Variants in BIRC6 observed in about 807,000 individuals in gnomAD.
The protein encoded by BIRC6 is dual E2 ubiquitin-conjugating enzyme/E3 ubiquitin-protein ligase BIRC6.
BIRC6 carries 98 observed loss-of-function variants against 503.3 expected under a neutral mutation model. The ratio of observed to expected loss-of-function variants is 0.19; its 90% CI spans 0.17 to 0.23. BIRC6 has a LOEUF of 0.23. Among genes scored for constraint, BIRC6 ranks in the 10% least tolerant of loss-of-function variants. BIRC6 has a pLI of 1.00. For missense variants in BIRC6, 5,360 were observed against 5,806.0 expected (o/e 0.92, Z 2.50); for synonymous variants, 2,240 against 2,078.7 (o/e 1.08, Z -2.11).
Position 32,499,553 on chromosome 2 carries a change from T to G in BIRC6, c.8475T>G (p.Ala2825=). ...LIHILSTERG[A]FQTGQGPLDA... is the part of the protein sequence containing the mutation. ...TCTCTCTCTCTCTCTGCAGGGGTGC[T>G]TTCCAGACAGGCCAAGGACCTCTCG... The change falls in exon 46 of 74, where the codon GCT becomes GCG. Residue 2825 remains alanine, a synonymous_variant. Coordinates refer to ENST00000421745, the MANE Select transcript of BIRC6 (RefSeq NM_016252.4). 2 of 1,602,678 alleles carry G rather than the reference T, an allele frequency of 1.2e-6. No homozygotes were observed. The highest frequency in any genetic ancestry group is 1.7e-4 in the Middle Eastern group (1 of 6,020).
intron 53 of BIRC6, 110 bp downstream of exon 53, chr2:32,510,744 ATATAT>A (rs1360525254): frequency 4.5e-5 from 33 of 731,438 alleles, no homozygotes; most frequent in Non-Finnish European, 6.6e-5. Flanking sequence ...CAATACTGTG[ATATAT>A]TGTATGTTTA....
At chr2:32,460,939 A>G (rs1485338609) in intron 23 of BIRC6, among the ~76,000 whole-genome samples, 28 of 151,588 alleles carry the variant, frequency 1.8e-4, no homozygotes, top group Admixed American at 1.7e-3. Context: ...GAAGGAGCAG[A>G]TGATTTTATT....
chr2:32,559,731 A>T (rs1393791706), intron 65 of BIRC6, among the ~76,000 whole-genome samples: 1 of 151,680 alleles, frequency 6.6e-6, no homozygotes, highest in African/African-American at 2.4e-5. Context: ...AAAAAAAAAA[A>T]AAAAATAAGG....
intron 65 of BIRC6, among the ~76,000 whole-genome samples, chr2:32,554,355 A>G (rs1298623873): frequency 6.6e-6 from 1 of 152,220 alleles, no homozygotes; most frequent in African/African-American, 2.4e-5. Flanking sequence ...ACAGATTAGA[A>G]AAGAACAAAT....
chr2:32,478,804 A>C lies in BIRC6; in HGVS notation c.7238A>C (p.Gln2413Pro). The change falls in exon 36 of 74, where the codon CAA (glutamine) becomes CCA (proline). Residue 2413 changes from glutamine (Q) to proline (P), a missense_variant. Around this residue, in one of 16 missense-constraint regions of BIRC6, gnomAD observed 2,299 missense variants for 2,267.2 expected, o/e 1.01. Transcript: ENST00000421745. ...WAQYSLTCML[Q>P]DILAGELLAP... ...CAGTATTCCTTAACTTGCATGCTAC[A>C]AGATATTTTAGCAGGTGTGTTAGGA... 6.2e-7 allele frequency: 1 copy of C among 1,612,522 alleles called. No individual in the cohort carries two copies. Among genetic ancestry groups the C allele is most frequent in the Non-Finnish European group, 8.5e-7 (1 of 1,179,522 alleles).
At chr2:32,610,033 T>C (rs1573366433) in intron 72 of BIRC6, among the ~76,000 whole-genome samples, 1 of 152,202 alleles carries the variant, frequency 6.6e-6, no homozygotes, top group Admixed American at 6.5e-5. Context: ...ATTTTTTTGG[T>C]ACACTCCCGT....
chr2:32,429,368 G>C (rs993298296), intron 11 of BIRC6, 73 bp downstream of exon 11: 1 of 1,143,802 alleles, frequency 8.7e-7, no homozygotes, highest in Admixed American at 3.3e-5. Flanking sequence ...GTTGTTGGAA[G>C]ATGTAAACAT....
At chr2:32,421,615 G>C (rs573681994) in intron 10 of BIRC6, among the ~76,000 whole-genome samples, 22 of 152,144 alleles carry the variant, frequency 1.4e-4, no homozygotes, top group African/African-American at 4.8e-4. Flanking sequence ...AAAGTGTTTT[G>C]TTTAGCCTCC....
chr2:32,362,522 G>T (rs1406556247), intron 1 of BIRC6, among the ~76,000 whole-genome samples: 1 of 151,828 alleles, frequency 6.6e-6, no homozygotes, highest in Non-Finnish European at 1.5e-5. Flanking sequence ...GTTTTACCAT[G>T]TTAGCCAGGA....
intron 32 of BIRC6, 92 bp downstream of exon 32, chr2:32,471,216 T>A (rs2049057412): frequency 1.3e-6 from 2 of 1,488,758 alleles, no homozygotes; most frequent in Admixed American, 2.0e-5. Context: ...GTTCCAGAAC[T>A]GGCTATTGGC....
intron 66 of BIRC6, among the ~76,000 whole-genome samples, chr2:32,581,317 G>A (rs78365789): frequency 0.033 from 4,949 of 152,094 alleles, 109 homozygotes; most frequent in Non-Finnish European, 0.047. Context: ...CTCATATGAT[G>A]GTGAGATATT....
At chr2:32,521,633 T>C (rs2149813404) in intron 57 of BIRC6, among the ~76,000 whole-genome samples, 1 of 111,292 alleles carries the variant, frequency 9.0e-6, no homozygotes, top group South Asian at 2.7e-4. Context: ...CACACTCGGC[T>C]AATTTTTGTA....
In BIRC6 at chr2:32,401,559, C is replaced by A; in HGVS notation, c.1354C>A (p.Pro452Thr). The A allele has an allele frequency of 1.2e-6, 2 of 1,613,952 alleles. No homozygotes were observed. The highest frequency in any genetic ancestry group is 2.2e-5 in the East Asian group (1 of 44,892). The part of the protein sequence containing the change: ...DPSSGVDSRR[P>T]TLAWLEDSSS... Reference sequence around the variant, plus strand: ...AAGCTCAGGAGTTGATTCAAGGAGACCAACTTTGGCGTGGCTGGAGGACTC... The same window carrying A: ...AAGCTCAGGAGTTGATTCAAGGAGAACAACTTTGGCGTGGCTGGAGGACTC... The change falls in exon 8 of 74, where the codon CCA (proline) becomes ACA (threonine). Residue 452 changes from proline (P) to threonine (T), a missense_variant. Physicochemically the swap from Pro to Thr is conservative, Grantham distance 38. This residue lies in a region of BIRC6 where 700 missense variants were observed against 739.3 expected (regional missense o/e 0.95). Coordinates refer to ENST00000421745, the MANE Select transcript of BIRC6 (RefSeq NM_016252.4).
chr2:32,430,811 T>C lies in BIRC6; in HGVS notation c.3023-54T>C, dbSNP rs2044017618. On this transcript the variant is annotated intron_variant, in intron 11 of 73. Transcript: ENST00000421745. ...AACTTCACTTCATTGTCTTCTTTTT[T>C]TTTTTTTTTTTTTTTCCACACCTAT... The C allele has an allele frequency of 5.6e-6, 5 of 892,524 alleles. No individual in the cohort carries two copies. The East Asian group carries it at 8.6e-5, about 15-fold the overall frequency. The allele number at this position is 892,524 out of a possible 1,614,324, so 55.3% of individuals were successfully genotyped here.
Position 32,502,846 on chromosome 2 carries a change from A to G in BIRC6, c.9259A>G (p.Arg3087Gly). 6.2e-7 allele frequency: 1 copy of G among 1,612,820 alleles called. No individual in the cohort carries two copies. Among genetic ancestry groups the G allele is most frequent in the Non-Finnish European group, 8.5e-7 (1 of 1,179,520 alleles). Reference sequence around the variant, plus strand: ...TGAGCCATTATTGTGGTTCATTTTGAGAGTATTGGATACTAGTGATGCCTT... The same window carrying G: ...TGAGCCATTATTGTGGTTCATTTTGGGAGTATTGGATACTAGTGATGCCTT... ...LSEPLLWFIL[R>G]VLDTSDALKA... The change falls in exon 48 of 74, where the codon AGA (arginine) becomes GGA (glycine). Residue 3087 changes from arginine (R) to glycine (G), a missense_variant. Coordinates refer to ENST00000421745, the MANE Select transcript of BIRC6 (RefSeq NM_016252.4).
At chr2:32,593,106 A>G (rs1354169836) in intron 66 of BIRC6, among the ~76,000 whole-genome samples, 1 of 152,238 alleles carries the variant, frequency 6.6e-6, no homozygotes, top group Non-Finnish European at 1.5e-5. Context: ...TTTGTTTCAA[A>G]TGATCTATTT....
chr2:32,365,891 A>AT (rs1433665186), intron 1 of BIRC6, among the ~76,000 whole-genome samples: 1 of 151,508 alleles, frequency 6.6e-6, no homozygotes, highest in Non-Finnish European at 1.5e-5. Flanking sequence ...AATTTAATTT[A>AT]ATTTATTTTT....
In BIRC6 at chr2:32,476,942, T is replaced by TTC. The variant is rs558544271; in HGVS notation, c.6853-424_6853-423dup. On this transcript the variant is annotated intron_variant, in intron 34 of 73. Coordinates refer to ENST00000421745, the MANE Select transcript of BIRC6 (RefSeq NM_016252.4). ...TATGTATCAAACAAGTTTGTAGTCT[T>TTC]TCTATAACATGAAATTATGATTATT... is the stretch of plus-strand genomic sequence containing the variant. Among the ~76,000 whole-genome samples the TTC allele has an allele frequency of 6.3e-3, 956 of 152,338 alleles. 10 individuals carry two copies. Among genetic ancestry groups the TTC allele is most frequent in the African/African-American group, 0.022 (907 of 41,586 alleles).
chr2:32,456,007 A>G (rs897682578), intron 23 of BIRC6, among the ~76,000 whole-genome samples: 11 of 152,346 alleles, frequency 7.2e-5, no homozygotes, highest in Admixed American at 7.2e-4. Context: ...GGAAAAGTGC[A>G]GAAAATAATT....
Sources: gnomAD v4.1 joint callset for allele counts (sites outside exome capture counted in the v4.1 genomes callset) on GRCh38, gnomAD v4.1.1 for gene constraint, gnomAD v4.1.1 regional missense constraint, MANE v1.5 for transcripts, NCBI Gene and HGNC (gene_info 2026-07-23, HGNC 2026-07-21) for gene names.